Variants in ARHGEF4 observed in about 807,000 individuals in gnomAD.
ARHGEF4 encodes APC-stimulated guanine nucleotide exchange factor 1.
Under a neutral mutation model 162.0 loss-of-function variants are expected in ARHGEF4, and 119 were observed. That is an observed-to-expected ratio of 0.73 (90% CI 0.63 to 0.86). The LOEUF (loss-of-function observed/expected upper bound fraction) is 0.86, where lower values mean the gene tolerates loss of function less well. Ranked by LOEUF, ARHGEF4 falls within the 40% of genes least tolerant of loss-of-function variation. The pLI is 0.00. For synonymous variants in ARHGEF4, 1,014 were observed against 979.9 expected (o/e 1.03, Z -0.65); for missense variants, 2,488 against 2,456.0 (o/e 1.01, Z -0.28).
At chr2:130,873,026 C>A (rs1181551517) in intron 1 of ARHGEF4, among the ~76,000 whole-genome samples, 9 of 152,250 alleles carry the variant, frequency 5.9e-5, no homozygotes, top group Non-Finnish European at 1.3e-4. Flanking sequence ...GTCAGGCAGC[C>A]AAGGCAGGGC....
chr2:130,864,267 G>T (rs530672860), intron 1 of ARHGEF4, among the ~76,000 whole-genome samples: 1 of 151,734 alleles, frequency 6.6e-6, no homozygotes, highest in South Asian at 2.1e-4. Flanking sequence ...AAATAATTAC[G>T]CCTAGTCACA....
At chr2:130,856,525 A>G (rs1325851712) in intron 1 of ARHGEF4, among the ~76,000 whole-genome samples, 1 of 152,280 alleles carries the variant, frequency 6.6e-6, no homozygotes, top group Non-Finnish European at 1.5e-5. Flanking sequence ...ACCAGAGAAT[A>G]ATTCAAATCC....
At chr2:130,910,116 G>C (rs1209881686) in intron 1 of ARHGEF4, among the ~76,000 whole-genome samples, 1 of 152,066 alleles carries the variant, frequency 6.6e-6, no homozygotes, top group Non-Finnish European at 1.5e-5. Flanking sequence ...GTGACGGGTT[G>C]ATGGGTGCAG....
At chr2:130,884,231 T>TAC (rs71398510) in intron 1 of ARHGEF4, among the ~76,000 whole-genome samples, 30,360 of 151,584 alleles carry the variant, frequency 0.2, 3,918 homozygotes, top group African/African-American at 0.34. Context: ...ACTCAATTTA[T>TAC]ACACACACAC....
chr2:130,914,012 A>T lies in ARHGEF4; in HGVS notation c.66A>T (p.Pro22=), dbSNP rs1226387518. 3.9e-6 allele frequency: 6 copies of T among 1,535,944 alleles called. No individual in the cohort carries two copies. Among genetic ancestry groups the T allele is most frequent in the Non-Finnish European group, 5.2e-6 (6 of 1,146,860 alleles). ...FKTPEPGAHL[P]GEGEIEDNQL... ...CTCCAGAGCCAGGTGCACACCTGCCAGGTGAAGGTGAGATTGAAGATAACC... is the reference window on the plus strand; with the variant it reads ...CTCCAGAGCCAGGTGCACACCTGCCTGGTGAAGGTGAGATTGAAGATAACC... Residue 22 remains proline, a synonymous_variant, in exon 2 of 14, where the codon CCA becomes CCT. Transcript: ENST00000409359.
At chr2:131,025,721 G>T (rs943417089) in intron 4 of ARHGEF4, among the ~76,000 whole-genome samples, 7 of 152,172 alleles carry the variant, frequency 4.6e-5, no homozygotes, top group Non-Finnish European at 7.3e-5. Context: ...CTATCTGGTT[G>T]GGGGGAGTCA....
Position 130,933,413 on chromosome 2 carries a change from C to T in ARHGEF4, c.3858+2156C>T, listed in dbSNP as rs1029506129. Among the ~76,000 whole-genome samples, 7 of 152,114 alleles carry T rather than the reference C, an allele frequency of 4.6e-5. No homozygotes were observed. The East Asian group carries it at 1.4e-3, about 29-fold the overall frequency. Reference sequence around the variant, plus strand: ...AAAATTGTTTTGGCTTTTTGTTGGACCTTGCAATTTCATATGAATCTTATA... The same window carrying T: ...AAAATTGTTTTGGCTTTTTGTTGGATCTTGCAATTTCATATGAATCTTATA... On this transcript the variant is annotated intron_variant, in intron 3 of 13. Coordinates refer to ENST00000409359, the MANE Select transcript of ARHGEF4 (RefSeq NM_001367493.1).
chr2:130,928,995 A>G (rs1682468695), intron 2 of ARHGEF4, among the ~76,000 whole-genome samples: 1 of 152,150 alleles, frequency 6.6e-6, no homozygotes, highest in African/African-American at 2.4e-5. Flanking sequence ...CAAATTGCCA[A>G]CCATTCCCTC....
Position 130,932,323 on chromosome 2 carries a change from C to T in ARHGEF4, c.3858+1066C>T, listed in dbSNP as rs747478555. Among the ~76,000 whole-genome samples, 107 of 152,298 alleles carry T rather than the reference C, an allele frequency of 7.0e-4. 1 individual carries two copies. Among genetic ancestry groups the T allele is most frequent in the Admixed American group, 4.6e-4 (7 of 15,298 alleles). On this transcript the variant is annotated intron_variant, in intron 3 of 13. Coordinates refer to ENST00000409359, the MANE Select transcript of ARHGEF4 (RefSeq NM_001367493.1). ...ATACATCCATTCCTGAGTAGCTCTTCATCCATTTCTGAGTAGCTGGGATTA... is the reference window on the plus strand; with the variant it reads ...ATACATCCATTCCTGAGTAGCTCTTTATCCATTTCTGAGTAGCTGGGATTA...
At chr2:130,919,105 C>G (rs2105066522) in intron 2 of ARHGEF4, among the ~76,000 whole-genome samples, 1 of 152,278 alleles carries the variant, frequency 6.6e-6, no homozygotes, top group African/African-American at 2.4e-5. Flanking sequence ...AGGTAAAGCC[C>G]TCCAGCGCCT....
intron 5 of ARHGEF4, among the ~76,000 whole-genome samples, chr2:131,037,032 T>C (rs1211483280): frequency 6.6e-6 from 1 of 152,046 alleles, no homozygotes; most frequent in Non-Finnish European, 1.5e-5. Context: ...CTGCAGAAGG[T>C]CTTTGTGGCT....
intron 4 of ARHGEF4, among the ~76,000 whole-genome samples, chr2:130,994,286 T>A (rs1687237941): frequency 6.6e-6 from 1 of 152,254 alleles, no homozygotes; most frequent in African/African-American, 2.4e-5. Flanking sequence ...ATTGCTTTTT[T>A]ATTCCTTTTT....
intron 4 of ARHGEF4, among the ~76,000 whole-genome samples, chr2:130,960,735 G>C (rs554273404): frequency 5.5e-4 from 83 of 152,200 alleles, no homozygotes; most frequent in African/African-American, 1.8e-3. Context: ...AGGCAGCTAA[G>C]TCTCCCTGCA....
At chr2:130,952,014 A>G (rs1683987887) in intron 4 of ARHGEF4, among the ~76,000 whole-genome samples, 1 of 152,180 alleles carries the variant, frequency 6.6e-6, no homozygotes, top group Non-Finnish European at 1.5e-5. Flanking sequence ...TATGCTCAAT[A>G]ATACATTATA....
At chr2:130,873,526 G>A (rs1678626612) in intron 1 of ARHGEF4, among the ~76,000 whole-genome samples, 1 of 149,226 alleles carries the variant, frequency 6.7e-6, no homozygotes, top group South Asian at 2.1e-4. Context: ...GAAGCAGGTT[G>A]CAGTGAGCCG....
chr2:130,854,098 C>T lies in ARHGEF4; in HGVS notation c.39+17106C>T, dbSNP rs530222726. On this transcript the variant is annotated intron_variant, in intron 1 of 13. Transcript: ENST00000409359. ...AACTTGGGAAGCCAAGAAACATGAC[C>T]AATAAAAGAGAAACGGTAAATAAAA... Among the ~76,000 whole-genome samples, 35 of 152,148 alleles carry T rather than the reference C, an allele frequency of 2.3e-4. 2 individuals are homozygous for T. The South Asian group carries it at 6.9e-3, about 30-fold the overall frequency.
rs1353018485 is a variant in ARHGEF4, at chr2:130,917,481, G to T, written c.3535G>T (p.Asp1179Tyr). Residue 1179 changes from aspartate to tyrosine, a missense_variant, in exon 2 of 14, where the codon GAC becomes TAC. Physicochemically the swap from Asp to Tyr is radical, Grantham distance 160. Transcript: ENST00000409359. ...CTTGGGCACAGTGCCCTGGCTCAGGGACCTTCCTGGGAGTGAGGTGAGTAT... is the reference window on the plus strand; with the variant it reads ...CTTGGGCACAGTGCCCTGGCTCAGGTACCTTCCTGGGAGTGAGGTGAGTAT... ...RGLGTVPWLR[D>Y]LPGSENHMPW... 3.2e-6 allele frequency: 5 copies of T among 1,549,722 alleles called. No homozygotes were observed. Among genetic ancestry groups the T allele is most frequent in the Non-Finnish European group, 4.4e-6 (5 of 1,146,720 alleles).
At chr2:130,992,586 A>T (rs1441245312) in intron 4 of ARHGEF4, among the ~76,000 whole-genome samples, 2 of 152,040 alleles carry the variant, frequency 1.3e-5, no homozygotes, top group Non-Finnish European at 2.9e-5. Context: ...CTATCCGACC[A>T]TCAGAAGGAA....
At chr2:130,849,509 C>T (rs1681245007) in intron 1 of ARHGEF4, among the ~76,000 whole-genome samples, 2 of 152,064 alleles carry the variant, frequency 1.3e-5, no homozygotes, top group African/African-American at 4.8e-5. Flanking sequence ...AAGGAGGAGA[C>T]CCTCAATCTC....
Sources: allele counts gnomAD v4.1 joint callset (sites outside exome capture counted in the v4.1 genomes callset), GRCh38; gene constraint gnomAD v4.1.1; transcripts MANE v1.5; gene names NCBI Gene and HGNC (gene_info 2026-07-23, HGNC 2026-07-21).